Variants in CHADL observed in about 807,000 individuals in gnomAD.
CHADL encodes chondroadherin-like protein.
A neutral mutation model predicts 52.1 loss-of-function variants in CHADL; 48 were observed. The observed-to-expected ratio is 0.92, with a 90% confidence interval of 0.73 to 1.17. The LOEUF is 1.17. Among genes scored for constraint, CHADL ranks in the 50% most tolerant of loss-of-function variants. CHADL has a pLI of 0.00. For synonymous variants in CHADL, 498 were observed against 511.2 expected, an observed-to-expected ratio of 0.97 and a Z score of 0.35; for missense variants, 977 against 1,035.1, an observed-to-expected ratio of 0.94 and a Z score of 0.77.
chr22:41,239,602 A>T lies in CHADL; in HGVS notation c.27T>A (p.His9Gln). 2 of 1,538,424 alleles carry T rather than the reference A, an allele frequency of 1.3e-6. No homozygotes were observed. The highest frequency in any genetic ancestry group is 1.8e-6 in the Non-Finnish European group (2 of 1,140,478). Residue 9 changes from histidine (H) to glutamine (Q), a missense_variant, in exon 2 of 6, where the codon CAT (histidine) becomes CAA (glutamine). His to Gln is a conservative substitution (Grantham distance 24). Coordinates refer to ENST00000216241, the MANE Select transcript of CHADL (RefSeq NM_138481.2). ...CAAGAAGCGGCAGCACCAAGGGGAC[A>T]TGGGTGGAGCTCCGGGGCCTGGGAC... MEGPRSSTHVPLVLPLLVL... is the reference protein window; with the variant it reads MEGPRSSTQVPLVLPLLVL...
chr22:41,236,390 TG>T, intron 4 of CHADL, 93 bp downstream of exon 4: 2 of 1,144,198 alleles, frequency 1.7e-6, no homozygotes. Context: ...GCTGCTCGGA[TG>T]GGCATGGACA....
intron 5 of CHADL, chr22:41,230,346 T>C: frequency 2.3e-6 from 2 of 883,148 alleles, no homozygotes; most frequent in Non-Finnish European, 3.7e-6. Context: ...GCTTGGAGAC[T>C]GATCCTCTCT....
intron 4 of CHADL, among the ~76,000 whole-genome samples, 169 bp downstream of exon 4, chr22:41,236,315 G>A (rs1019749493): frequency 1.1e-4 from 17 of 152,224 alleles, no homozygotes; most frequent in Admixed American, 2.0e-4. Context: ...TCCCCAGGAA[G>A]GGTAACTAAC....
In CHADL at chr22:41,232,061, G is replaced by A. The variant is rs141480930; in HGVS notation, c.2263-2331C>T. ...TAAATTTACACCTGTTGCCGGGCGC[G>A]GTGGCTCACGCCTGTAATCCCAGCA... On this transcript the variant is annotated intron_variant, in intron 5 of 5. Transcript: ENST00000216241. 1.8e-3 allele frequency among the ~76,000 whole-genome samples: 277 copies of A among 152,294 alleles called. 1 individual carries two copies. Among genetic ancestry groups the A allele is most frequent in the African/African-American group, 4.2e-3 (175 of 41,558 alleles).
intron 5 of CHADL, among the ~76,000 whole-genome samples, chr22:41,232,203 T>A (rs8136109): frequency 6.6e-6 from 1 of 151,554 alleles, no homozygotes; most frequent in South Asian, 2.1e-4. Context: ...GTGGTGGCAG[T>A]CACCTGTAAT....
At chr22:41,229,763 G>A in intron 5 of CHADL, 33 bp from the exon 6 acceptor site, 2 of 1,577,236 alleles carry the variant, frequency 1.3e-6, no homozygotes, top group African/African-American at 2.7e-5. Context: ...AGGTTTCTTT[G>A]GCATTTTCTG....
intron 5 of CHADL, chr22:41,230,078 C>T (rs949799236): frequency 6.1e-6 from 5 of 821,624 alleles, no homozygotes; most frequent in South Asian, 3.5e-5. Flanking sequence ...CCAGCTCCTC[C>T]GCCCCCACCC....
In CHADL at chr22:41,239,589, G is replaced by C. The variant is rs2032824900; in HGVS notation, c.40C>G (p.Leu14Val). 1.0e-5 allele frequency: 16 copies of C among 1,544,808 alleles called. No individual in the cohort carries two copies. The highest frequency in any genetic ancestry group is 1.4e-5 in the Non-Finnish European group (16 of 1,143,904). ...AGCAGCAGAAGTACAAGAAGCGGCA[G>C]CACCAAGGGGACATGGGTGGAGCTC... ...PRSSTHVPLV[L>V]PLLVLLLLAP... The change falls in exon 2 of 6, where the codon CTG becomes GTG. Residue 14 changes from leucine to valine, a missense_variant. Physicochemically the swap from Leu to Val is conservative, Grantham distance 32. Transcript: ENST00000216241.
intron 5 of CHADL, among the ~76,000 whole-genome samples, chr22:41,232,157 C>T (rs965427584): frequency 2.6e-5 from 4 of 151,778 alleles, no homozygotes; most frequent in South Asian, 2.1e-4. Flanking sequence ...ACGATGAAAC[C>T]CTGTCTCTAC....
Position 41,238,333 on chromosome 22 carries a change from C to A in CHADL, c.739G>T (p.Glu247Ter), listed in dbSNP as rs1276750516. ...LGHNPLTYAG[E>*]EDGLALPGLR... ...CCGGGCAGCGCCAGCCCGTCCTCCT[C>A]GCCCGCGTAGGTGAGCGGGTTGTGG... Residue 247 changes from glutamate (E) to a stop codon, truncating the protein, a stop_gained, in exon 3 of 6, where the codon GAG becomes TAG. Transcript: ENST00000216241. LOFTEE classifies it high-confidence loss of function. This position sits in a 1 kb window ranked among gnomAD's most constrained non-coding sequence, Gnocchi z 4.9. 6.6e-7 allele frequency: 1 copy of A among 1,518,254 alleles called. No individual in the cohort carries two copies. Among genetic ancestry groups the A allele is most frequent in the Non-Finnish European group, 8.8e-7 (1 of 1,139,704 alleles). The allele number at this position is 1,518,254 out of a possible 1,614,324, so 94.0% of individuals were successfully genotyped here.
chr22:41,236,410 C>T, intron 4 of CHADL, 74 bp downstream of exon 4: 6 of 1,352,364 alleles, frequency 4.4e-6, no homozygotes, highest in Non-Finnish European at 6.2e-6. Flanking sequence ...CATGGTGTGC[C>T]TGGGGAGATG....
At chr22:41,235,436 C>A in intron 4 of CHADL, 93 bp from the exon 5 acceptor site, 1 of 965,812 alleles carries the variant, frequency 1.0e-6, no homozygotes. Flanking sequence ...AGGGTTGGTG[C>A]AGAAGGCAGC....
chr22:41,230,455 T>TCTATATGA (rs1422036461), intron 5 of CHADL: 4 of 545,234 alleles, frequency 7.3e-6, no homozygotes, highest in Non-Finnish European at 1.3e-5. Context: ...TGTGGAAAGG[T>TCTATATGA]CTATATGACG....
rs577570970 is a variant in CHADL at position 41,239,564 on chromosome 22, A to C, written c.65T>G (p.Leu22Arg). ...GGCGGCGGCCTGCCTAGCCGGGGCCAGCAGCAGAAGTACAAGAAGCGGCAG... is the reference window on the plus strand; with the variant it reads ...GGCGGCGGCCTGCCTAGCCGGGGCCCGCAGCAGAAGTACAAGAAGCGGCAG... ...LVLPLLVLLL[L>R]APARQAAAQR... is the part of the protein sequence containing the mutation. The change falls in exon 2 of 6, where the codon CTG (leucine) becomes CGG (arginine). Residue 22 changes from leucine to arginine, a missense_variant. Physicochemically the swap from Leu to Arg is moderately radical, Grantham distance 102 (BLOSUM62 -2). Coordinates refer to ENST00000216241, the MANE Select transcript of CHADL (RefSeq NM_138481.2). 6.5e-7 allele frequency: 1 copy of C among 1,548,052 alleles called. No individual in the cohort carries two copies. The highest frequency in any genetic ancestry group is 2.4e-5 in the East Asian group (1 of 40,818).
At chr22:41,230,324 C>T (rs1243295466) in intron 5 of CHADL, 1 of 1,118,490 alleles carries the variant, frequency 8.9e-7, no homozygotes, top group Non-Finnish European at 1.4e-6. Flanking sequence ...ACCATGCCTC[C>T]ACCTGACTTT....
intron 2 of CHADL, 119 bp from the exon 3 acceptor site, chr22:41,239,004 G>C: frequency 7.6e-7 from 1 of 1,308,258 alleles, no homozygotes; most frequent in Non-Finnish European, 1.0e-6. Flanking sequence ...CTCTTCATCC[G>C]ACCCCTGACA....
chr22:41,232,687 C>T (rs2032646284), intron 5 of CHADL, among the ~76,000 whole-genome samples: 1 of 152,134 alleles, frequency 6.6e-6, no homozygotes, highest in Non-Finnish European at 1.5e-5. Context: ...CTGAGACGTC[C>T]TGATTCCAAA....
intron 5 of CHADL, among the ~76,000 whole-genome samples, chr22:41,232,356 C>T (rs1246321279): frequency 6.6e-6 from 1 of 151,684 alleles, no homozygotes; most frequent in African/African-American, 2.4e-5. Context: ...AAATTTACAC[C>T]TGTAAAGGAT....
chr22:41,235,112 C>T (rs2145633855), intron 5 of CHADL, 33 bp downstream of exon 5: 2 of 1,547,074 alleles, frequency 1.3e-6, no homozygotes, highest in East Asian at 2.4e-5. Context: ...CCACCACCCA[C>T]CAAGGTCTCA....
Sources: gnomAD v4.1 joint callset for allele counts (sites outside exome capture counted in the v4.1 genomes callset) on GRCh38, gnomAD v4.1.1 for gene constraint, Gnocchi (gnomAD v3.1) non-coding constraint, MANE v1.5 for transcripts, NCBI Gene and HGNC (gene_info 2026-07-23, HGNC 2026-07-21) for gene names.